Variants in VILL observed in about 807,000 individuals in gnomAD.
The protein encoded by VILL is villin like, also known as villin-like protein.
VILL carries 102 observed loss-of-function variants against 106.3 expected under a neutral mutation model. The observed-to-expected ratio is 0.96, with a 90% CI of 0.82 to 1.13. VILL has a LOEUF of 1.13. Among genes scored for constraint, VILL ranks in the 50% most tolerant of loss-of-function variants. The probability of loss-of-function intolerance (pLI) is 0.00; values close to 1 mark genes in which losing one functional copy is unlikely to be tolerated. For synonymous variants in VILL, 431 were observed against 440.3 expected, an observed-to-expected ratio of 0.98 and a Z score of 0.27; for missense variants, 1,076 against 1,116.6, an observed-to-expected ratio of 0.96 and a Z score of 0.52.
upstream of VILL, among the ~76,000 whole-genome samples, chr3:37,989,056 G>T (rs924109617): frequency 6.6e-6 from 1 of 152,188 alleles, no homozygotes; most frequent in Non-Finnish European, 1.5e-5. Flanking sequence ...ACAGAGGGAG[G>T]CTGGCTCCGG....
chr3:38,003,412 G>A (rs1000911337), intron 15 of VILL, 99 bp downstream of exon 15: 14 of 1,412,212 alleles, frequency 9.9e-6, no homozygotes, highest in Admixed American at 2.6e-5. Context: ...CTGGCAAGAC[G>A]AGACTAGAAC....
chr3:38,002,253 T>C, intron 13 of VILL, 143 bp from the exon 14 acceptor site: 1 of 742,416 alleles, frequency 1.3e-6, no homozygotes, highest in Non-Finnish European at 2.1e-6. Context: ...TAGAGGGTCC[T>C]GTACTCCTCA....
intron 1 of VILL, among the ~76,000 whole-genome samples, chr3:37,992,677 G>C (rs1258670260): frequency 6.6e-6 from 1 of 152,102 alleles, no homozygotes; most frequent in African/African-American, 2.4e-5. Flanking sequence ...AGCTGTGACG[G>C]ACCCAGCTCT....
In VILL at chr3:37,990,989, A is replaced by C. The variant is rs1699602411; in HGVS notation, c.-87+160A>C. 6.6e-6 allele frequency: 1 copy of C among 152,312 alleles called. No individual in the cohort carries two copies. Among genetic ancestry groups the C allele is most frequent in the African/African-American group, 2.4e-5 (1 of 41,428 alleles). 9.4% of individuals were successfully genotyped at this position (152,312 alleles called of 1,614,324 possible). The stretch of plus-strand genomic sequence containing the variant: ...GGCGGCAGCAGCCCAGCAGGTGAAA[A>C]CACTGATGGGGCAGGGCAGCTGTGG... On this transcript the variant is annotated intron_variant, in intron 1 of 19. Transcript: ENST00000383759. The surrounding 1 kb of genome is among the most constrained non-coding windows in gnomAD (Gnocchi z 5.1).
chr3:38,005,236 G>A (rs1430031501), intron 16 of VILL, among the ~76,000 whole-genome samples: 1 of 152,078 alleles, frequency 6.6e-6, no homozygotes. Flanking sequence ...ACAGCCCTAC[G>A]TGACCTGGCC....
chr3:37,994,451 T>C lies in VILL; in HGVS notation c.326T>C (p.Phe109Ser). The change falls in exon 4 of 20, where the codon TTC becomes TCC. Residue 109 changes from phenylalanine to serine, a missense_variant. Phe to Ser is a radical substitution (Grantham distance 155). Transcript: ENST00000383759. ...GAGTCCGACTGCTTCTGCAGCTACT[T>C]CCGCCCGGGAATCATGTGAGTGCGG... Reference protein sequence around the residue: ...GHESDCFCSYFRPGIIYRKGG... With the variant: ...GHESDCFCSYSRPGIIYRKGG... The C allele has an allele frequency of 6.2e-7, 1 of 1,612,326 alleles. No homozygotes were observed. The highest frequency in any genetic ancestry group is 8.5e-7 in the Non-Finnish European group (1 of 1,179,764).
At chr3:38,003,101 C>T (rs9875248) in intron 14 of VILL, 67 bp from the exon 15 acceptor site, 360,463 of 1,562,852 alleles carry the variant, frequency 0.23, 45,005 homozygotes, top group African/African-American at 0.46. Flanking sequence ...ACCCTGTGAA[C>T]GGGACGTGGG....
chr3:37,998,105 C>T lies in VILL; in HGVS notation c.780C>T (p.Gly260=), dbSNP rs1210353654. The change falls in exon 8 of 20, where the codon GGC becomes GGT. Residue 260 remains glycine (G), a synonymous_variant. Coordinates refer to ENST00000383759, the MANE Select transcript of VILL (RefSeq NM_015873.4). This position sits in a 1 kb window ranked among gnomAD's most constrained non-coding sequence, Gnocchi z 4.1. ...NVRLYHVYEK[G]KDLVVLELAT... is the part of the protein sequence containing the mutation. ...GTCCCCCCAGTGTCTATGAGAAGGG[C>T]AAAGACCTGGTGGTCCTGGAGTTGG... is the stretch of plus-strand genomic sequence containing the variant. The T allele has an allele frequency of 6.2e-7, 1 of 1,611,894 alleles. No homozygotes were observed. Among genetic ancestry groups the T allele is most frequent in the Non-Finnish European group, 8.5e-7 (1 of 1,178,982 alleles).
At position 38,003,096 on chromosome 3, in the gene VILL, GT is replaced by G. The variant is rs1699849154; in HGVS notation, c.1660-71del. The G allele has an allele frequency of 2.6e-6, 4 of 1,558,262 alleles. No individual in the cohort carries two copies. In the Admixed American group the frequency reaches 5.7e-5, roughly 22 times the overall value. On this transcript the variant is annotated intron_variant, in intron 14 of 19. Coordinates refer to ENST00000383759, the MANE Select transcript of VILL (RefSeq NM_015873.4). ...GGCCCAGCCCCACCCCATACACCCT[GT>G]GAACGGGACGTGGGGCCGGAGGTGA...
At chr3:37,992,629 C>T (rs1699626825) in intron 1 of VILL, among the ~76,000 whole-genome samples, 1 of 152,182 alleles carries the variant, frequency 6.6e-6, no homozygotes, top group African/African-American at 2.4e-5. Flanking sequence ...AGCCAACAAC[C>T]ATCCTATGGT....
Position 38,006,640 on chromosome 3 carries a change from A to C in VILL, c.2397A>C (p.Glu799Asp), listed in dbSNP as rs1195757543. 6.2e-7 allele frequency: 1 copy of C among 1,613,492 alleles called. No homozygotes were observed. Among genetic ancestry groups the C allele is most frequent in the African/African-American group, 1.3e-5 (1 of 74,954 alleles). Residue 799 changes from glutamate to aspartate, a missense_variant, in exon 19 of 20, where the codon GAA (glutamate) becomes GAC (aspartate). Physicochemically the swap from Glu to Asp is conservative, Grantham distance 45. Coordinates refer to ENST00000383759, the MANE Select transcript of VILL (RefSeq NM_015873.4). Reference sequence around the variant, plus strand: ...CGATCAACGGGGGCCTGCGCCGGGAACAACTGATGCACCAGGCTGTTGAGG... The same window carrying C: ...CGATCAACGGGGGCCTGCGCCGGGACCAACTGATGCACCAGGCTGTTGAGG... The part of the protein sequence containing the change: ...SATINGGLRR[E>D]QLMHQAVEDL...
At position 38,007,048 on chromosome 3, in the gene VILL, T is replaced by G. The variant is rs759467840; in HGVS notation, c.2564T>G (p.Phe855Cys). Residue 855 changes from phenylalanine to cysteine, a missense_variant, in exon 20 of 20, where the codon TTC becomes TGC. Transcript: ENST00000383759. ...RQRQEKKQLGFF is the reference protein window; with the variant it reads ...RQRQEKKQLGCF ...CGGCAGGAGAAAAAGCAGCTGGGCT[T>G]CTTCTGAACCCAAGCCCTCTCGACT... is the stretch of plus-strand genomic sequence containing the variant. 4.3e-6 allele frequency: 7 copies of G among 1,613,746 alleles called. No homozygotes were observed. In the Admixed American group the frequency reaches 8.3e-5, roughly 19 times the overall value.
At chr3:37,993,508 T>G in intron 1 of VILL, 79 bp from the exon 2 acceptor site, 1 of 640,246 alleles carries the variant, frequency 1.6e-6, no homozygotes, top group Non-Finnish European at 2.7e-6. Flanking sequence ...TGCTGCAGAA[T>G]CTGAGTCTTC....
At chr3:37,999,515 G>A (rs1470543533) in intron 11 of VILL, 76 bp downstream of exon 11, 4 of 1,163,796 alleles carry the variant, frequency 3.4e-6, no homozygotes, top group Non-Finnish European at 4.7e-6. Flanking sequence ...CGGTATGACT[G>A]CTATCTAAAG....
chr3:37,998,084 C>A lies in VILL; in HGVS notation c.765-6C>A, dbSNP rs768914696. The A allele has an allele frequency of 1.2e-6, 2 of 1,604,486 alleles. No homozygotes were observed. The highest frequency in any genetic ancestry group is 2.2e-5 in the South Asian group (2 of 89,650). ...GCTGGCCACTCCTGGGTTCCTGTCC[C>A]CCCAGTGTCTATGAGAAGGGCAAAG... On this transcript the variant is annotated splice_region_variant and splice_polypyrimidine_tract_variant and intron_variant, in intron 7 of 19. Transcript: ENST00000383759. This position sits in a 1 kb window ranked among gnomAD's most constrained non-coding sequence, Gnocchi z 4.1.
chr3:37,999,582 A>T, intron 11 of VILL, 143 bp downstream of exon 11: 1 of 580,584 alleles, frequency 1.7e-6, no homozygotes, highest in Non-Finnish European at 2.8e-6. Context: ...GTGTACATTT[A>T]CATACTCTCC....
chr3:38,002,769 G>A, intron 14 of VILL, 194 bp downstream of exon 14: 1 of 676,076 alleles, frequency 1.5e-6, no homozygotes, highest in Non-Finnish European at 2.4e-6. Context: ...GGACCTGAGA[G>A]TCCGCAGGTC....
intron 16 of VILL, among the ~76,000 whole-genome samples, chr3:38,005,443 G>T (rs907569289): frequency 2.6e-5 from 4 of 152,116 alleles, no homozygotes; most frequent in Non-Finnish European, 5.9e-5. Context: ...GCTCTATAAG[G>T]GCAGGGATTT....
At position 37,997,625 on chromosome 3, in the gene VILL, G is replaced by A. The variant is rs555156614; in HGVS notation, c.704G>A (p.Arg235His). 39 of 1,613,242 alleles carry A rather than the reference G, an allele frequency of 2.4e-5. No individual in the cohort carries two copies. The highest frequency in any genetic ancestry group is 1.1e-4 in the South Asian group (10 of 91,082). ...CTGGGCCGCAGGGTGGGCAGCCTGC[G>A]TGCCGCCACGCCCAGCAAGGATATC... Reference protein sequence around the residue: ...AVLGRRVGSLRAATPSKDINQ... With the variant: ...AVLGRRVGSLHAATPSKDINQ... Residue 235 changes from arginine (R) to histidine (H), a missense_variant, in exon 7 of 20, where the codon CGT becomes CAT. Physicochemically the swap from Arg to His is conservative, Grantham distance 29 (BLOSUM62 0). Coordinates refer to ENST00000383759, the MANE Select transcript of VILL (RefSeq NM_015873.4). The surrounding 1 kb of genome is among the most constrained non-coding windows in gnomAD (Gnocchi z 4.7).
Sources: gnomAD v4.1 joint callset for allele counts (sites outside exome capture counted in the v4.1 genomes callset) on GRCh38, gnomAD v4.1.1 for gene constraint, Gnocchi (gnomAD v3.1) non-coding constraint, MANE v1.5 for transcripts, NCBI Gene and HGNC (gene_info 2026-07-23, HGNC 2026-07-21) for gene names.